The following DAB1 variants were observed in gnomAD, a reference collection of about 807,000 sequenced individuals.
The protein encoded by DAB1 is DAB adaptor protein 1, also known as disabled homolog 1.
Under a neutral mutation model 64.6 loss-of-function variants are expected in DAB1, and 15 were observed. That is an observed-to-expected ratio of 0.23 (90% confidence interval 0.16 to 0.36). The LOEUF (loss-of-function observed/expected upper bound fraction) is 0.36, where lower values mean the gene tolerates loss of function less well. Among genes scored for constraint, DAB1 ranks in the 10% least tolerant of loss-of-function variants. The pLI is 1.00. For synonymous variants in DAB1, 235 were observed against 251.9 expected (o/e 0.93, Z 0.64); for missense variants, 596 against 706.7 (o/e 0.84, Z 1.78).
chr1:57,655,044 A>G (rs1194680539), intron 6 of DAB1, among the ~76,000 whole-genome samples: 2 of 152,164 alleles, frequency 1.3e-5, no homozygotes, highest in Non-Finnish European at 2.9e-5. Context: ...GTGATGACAA[A>G]GTTTCTACTA....
intron 3 of DAB1, chr1:58,473,925 G>T: frequency 1.7e-6 from 2 of 1,194,932 alleles, no homozygotes; most frequent in Non-Finnish European, 2.2e-6. Context: ...CGTTAACTCT[G>T]CAATCTGTTC....
chr1:58,478,399 T>A (rs1472356631), intron 3 of DAB1, among the ~76,000 whole-genome samples: 1 of 152,204 alleles, frequency 6.6e-6, no homozygotes, highest in Non-Finnish European at 1.5e-5. Flanking sequence ...AAAGTATGCA[T>A]TCAGTATATG....
intron 7 of DAB1, among the ~76,000 whole-genome samples, chr1:57,479,167 T>G (rs1049227777): frequency 1.3e-5 from 2 of 152,102 alleles, no homozygotes; most frequent in Admixed American, 1.3e-4. Flanking sequence ...AGCTGCCTAA[T>G]AAAATGTTGA....
intron 4 of DAB1, among the ~76,000 whole-genome samples, chr1:57,107,377 TAAA>T (rs57669509): frequency 0.6 from 83,493 of 138,950 alleles, 24,750 homozygotes; most frequent in Middle Eastern, 0.72. Flanking sequence ...TCTGTTTCAT[TAAA>T]AAAAAAAAAA....
chr1:57,104,953 C>T (rs920855011), intron 4 of DAB1, among the ~76,000 whole-genome samples: 2 of 152,068 alleles, frequency 1.3e-5, no homozygotes, highest in Non-Finnish European at 2.9e-5. Context: ...TAATATCTGC[C>T]CTTGAATTCT....
intron 1 of DAB1, among the ~76,000 whole-genome samples, chr1:57,370,500 T>C (rs181156205): frequency 1.6e-4 from 25 of 152,114 alleles, no homozygotes; most frequent in African/African-American, 5.5e-4. Context: ...TTTAGCAGTG[T>C]AGGAAAACCA....
chr1:57,423,650 C>A (rs1685105204), intron 1 of DAB1, among the ~76,000 whole-genome samples: 1 of 151,596 alleles, frequency 6.6e-6, no homozygotes, highest in East Asian at 2.0e-4. Context: ...CAGGATCGCG[C>A]GTGGTCGGAA....
At chr1:58,057,234 T>C (rs895411145) in intron 5 of DAB1, among the ~76,000 whole-genome samples, 3 of 152,192 alleles carry the variant, frequency 2.0e-5, no homozygotes, top group Non-Finnish European at 4.4e-5. Flanking sequence ...CTGCATAATC[T>C]GATTCCTGTC....
At chr1:58,446,210 T>A (rs1016232590) in intron 3 of DAB1, among the ~76,000 whole-genome samples, 2 of 152,210 alleles carry the variant, frequency 1.3e-5, no homozygotes, top group African/African-American at 4.8e-5. Flanking sequence ...ATTATAAGCT[T>A]CAGGCAGGCA....
chr1:58,092,161 C>T (rs1570342237), intron 5 of DAB1, among the ~76,000 whole-genome samples: 1 of 151,930 alleles, frequency 6.6e-6, no homozygotes. Flanking sequence ...ATGGTGAAAC[C>T]CTGTCTCTAC....
intron 7 of DAB1, chr1:57,070,738 C>T (rs1651370796): frequency 7.0e-6 from 3 of 426,548 alleles, no homozygotes; most frequent in East Asian, 9.3e-5. Flanking sequence ...CTCTTGAAAA[C>T]ATTCAGCTCT....
At chr1:57,059,652 A>G (rs1650180098) in intron 9 of DAB1, among the ~76,000 whole-genome samples, 1 of 152,024 alleles carries the variant, frequency 6.6e-6, no homozygotes, top group Non-Finnish European at 1.5e-5. Flanking sequence ...GGTGTGTGGT[A>G]TTCGGTATTA....
At chr1:57,172,936 A>C (rs1661932452) in intron 2 of DAB1, among the ~76,000 whole-genome samples, 1 of 152,184 alleles carries the variant, frequency 6.6e-6, no homozygotes. Context: ...CACCCAGTCC[A>C]TGCCCTTTCC....
intron 5 of DAB1, among the ~76,000 whole-genome samples, chr1:58,055,532 A>T (rs1470103841): frequency 2.2e-5 from 3 of 138,176 alleles, no homozygotes; most frequent in Non-Finnish European, 4.8e-5. Context: ...TTATTTGTTG[A>T]CTATCTACTT....
intron 3 of DAB1, chr1:58,481,132 T>C: frequency 1.1e-6 from 1 of 870,502 alleles, no homozygotes; most frequent in East Asian, 2.4e-5. Flanking sequence ...GGGTCTGGAT[T>C]AGACAGTGGT....
intron 1 of DAB1, among the ~76,000 whole-genome samples, chr1:57,387,821 C>CAAAAA (rs55950458): frequency 0.096 from 9,983 of 103,786 alleles, 489 homozygotes; most frequent in Admixed American, 0.11. Context: ...GACTCAGCCT[C>CAAAAA]AAAAAAAAAA....
intron 3 of DAB1, among the ~76,000 whole-genome samples, chr1:58,423,211 G>C (rs553049608): frequency 5.4e-4 from 82 of 152,310 alleles, no homozygotes; most frequent in African/African-American, 1.9e-3. Flanking sequence ...AAGCCAGACA[G>C]GAATTTGAGC....
At chr1:57,951,070 C>T (rs1447692332) in intron 5 of DAB1, among the ~76,000 whole-genome samples, 2 of 151,954 alleles carry the variant, frequency 1.3e-5, no homozygotes, top group African/African-American at 2.4e-5. Context: ...AATGCAGTTC[C>T]CCTGCAGACT....
rs1251876406 is a variant in DAB1 at position 57,014,803 on chromosome 1, T to C, written c.1444+80A>G. ...CCTGATTAATGCAAGTGAGATGAGT[T>C]ATTTGACTCCAGAAACCCCGCCTCC... On this transcript the variant is annotated intron_variant, in intron 12 of 14. Coordinates refer to ENST00000371236, the MANE Select transcript of DAB1 (RefSeq NM_001365792.1). 8 of 1,193,372 alleles carry C rather than the reference T, an allele frequency of 6.7e-6. No homozygotes were observed. The Admixed American group carries it at 2.0e-4, about 30-fold the overall frequency. 73.9% of individuals were successfully genotyped at this position (1,193,372 alleles called of 1,614,324 possible).
Sources: gnomAD v4.1 joint callset for allele counts (sites outside exome capture counted in the v4.1 genomes callset) on GRCh38, gnomAD v4.1.1 for gene constraint, MANE v1.5 for transcripts, NCBI Gene and HGNC (gene_info 2026-07-23, HGNC 2026-07-21) for gene names.